The following CERS4 variants were observed in gnomAD, a reference collection of about 807,000 sequenced individuals.
The protein encoded by CERS4 is LAG1 homolog, ceramide synthase 4.
In CERS4, 65 loss-of-function variants were observed where a neutral mutation model predicts 51.8. The ratio of observed to expected loss-of-function variants is 1.26; its 90% CI spans 1.03 to 1.54. CERS4 has a LOEUF of 1.54. Ranked by LOEUF, CERS4 falls within the 40% of genes most tolerant of loss-of-function variation. CERS4 has a pLI of 0.00. For missense variants in CERS4, 563 were observed against 500.4 expected, an observed-to-expected ratio of 1.13 and a Z score of -1.19; for synonymous variants, 228 against 208.4, an observed-to-expected ratio of 1.09 and a Z score of -0.81.
chr19:8,238,140 G>T (rs564703556), intron 2 of CERS4, among the ~76,000 whole-genome samples: 3 of 151,708 alleles, frequency 2.0e-5, no homozygotes, highest in African/African-American at 7.3e-5. Context: ...CCTCCCTCAC[G>T]GACCTCCCCA....
intron 10 of CERS4, 24 bp from the exon 11 acceptor site, chr19:8,261,664 C>G (rs780475833): frequency 1.4e-5 from 22 of 1,613,254 alleles, no homozygotes; most frequent in Non-Finnish European, 1.7e-5. Flanking sequence ...AAACCCCAGC[C>G]TCCTCCTCTC....
intron 10 of CERS4, chr19:8,261,375 G>C: frequency 2.8e-6 from 1 of 358,942 alleles, no homozygotes. Context: ...AGGTGATGGG[G>C]GTCTGAGGAG....
intron 2 of CERS4, among the ~76,000 whole-genome samples, chr19:8,216,485 C>T (rs894633141): frequency 1.3e-5 from 2 of 151,396 alleles, no homozygotes; most frequent in Non-Finnish European, 2.9e-5. Context: ...AACAAATTAT[C>T]AAAATGCAGG....
rs1290814268 is a variant in CERS4 at position 8,210,407 on chromosome 19, G to A, written c.-158-299G>A. 1.3e-5 allele frequency among the ~76,000 whole-genome samples: 2 copies of A among 152,088 alleles called. No homozygotes were observed. The highest frequency in any genetic ancestry group is 2.9e-5 in the Non-Finnish European group (2 of 68,034). On this transcript the variant is annotated intron_variant, in intron 1 of 11. Coordinates refer to ENST00000251363, the MANE Select transcript of CERS4 (RefSeq NM_024552.3). This position sits in a 1 kb window ranked among gnomAD's most constrained non-coding sequence, Gnocchi z 4.2. ...ACCGATGTTTCTCCTGGGTAGTTAG[G>A]AGTATATAGAAGAGGCTTTCATTGC...
At position 8,215,298 on chromosome 19, in the gene CERS4, G is replaced by A. The variant is rs544862574; in HGVS notation, c.-2+4436G>A. ...GTTCGAGACCAGCGTGGCCAACATGGCGAAACCCTGTCTCTACTAAAAATA... is the reference window on the plus strand; with the variant it reads ...GTTCGAGACCAGCGTGGCCAACATGACGAAACCCTGTCTCTACTAAAAATA... On this transcript the variant is annotated intron_variant, in intron 2 of 11. Coordinates refer to ENST00000251363, the MANE Select transcript of CERS4 (RefSeq NM_024552.3). Among the ~76,000 whole-genome samples, 65 of 152,162 alleles carry A rather than the reference G, an allele frequency of 4.3e-4. 1 individual carries two copies. In the South Asian group the frequency reaches 0.013, roughly 31 times the overall value.
intron 2 of CERS4, among the ~76,000 whole-genome samples, chr19:8,227,261 A>G (rs751193188): frequency 2.6e-5 from 4 of 152,086 alleles, no homozygotes; most frequent in Non-Finnish European, 5.9e-5. Flanking sequence ...TTTCATTTTC[A>G]TGTACTATAA....
At position 8,235,007 on chromosome 19, in the gene CERS4, C is replaced by CTTTTTTTTTTT. The variant is rs566104740; in HGVS notation, c.-1-16066_-1-16065insTTTTTTTTTTT. Among the ~76,000 whole-genome samples the CTTTTTTTTTTT allele has an allele frequency of 2.5e-4, 32 of 127,916 alleles. 1 individual carries two copies. Among genetic ancestry groups the CTTTTTTTTTTT allele is most frequent in the Non-Finnish European group, 4.0e-4 (25 of 62,584 alleles). 83.9% of individuals were successfully genotyped at this position (127,916 alleles called of 152,430 possible). ...TGTATCTTTCTCTTTTTCTTTCTTT[C>CTTTTTTTTTTT]TTTCTTTTTTTTTTTTTTCAGACAG... On this transcript the variant is annotated intron_variant, in intron 2 of 11. Transcript: ENST00000251363.
intron 2 of CERS4, among the ~76,000 whole-genome samples, chr19:8,212,998 A>G (rs1206887914): frequency 6.6e-6 from 1 of 151,488 alleles, no homozygotes; most frequent in African/African-American, 2.4e-5. Context: ...TCTGTTCCCC[A>G]TGCCTTTCAG....
At chr19:8,238,661 T>C (rs1286502321) in intron 2 of CERS4, 1 of 902,538 alleles carries the variant, frequency 1.1e-6, no homozygotes, top group East Asian at 1.2e-4. Flanking sequence ...GTATTGGTTG[T>C]AGGTTTTGAG....
At chr19:8,220,864 C>T (rs1196098871) in intron 2 of CERS4, among the ~76,000 whole-genome samples, 2 of 151,820 alleles carry the variant, frequency 1.3e-5, no homozygotes, top group African/African-American at 4.8e-5. Context: ...CTCTGTCACC[C>T]GGGCTGGAGT....
chr19:8,228,010 C>T (rs984025453), intron 2 of CERS4, among the ~76,000 whole-genome samples: 17 of 151,634 alleles, frequency 1.1e-4, no homozygotes, highest in South Asian at 2.1e-4. Context: ...TACAGGCGCC[C>T]GCCACCACGC....
At chr19:8,241,031 A>C (rs936457638) in intron 2 of CERS4, among the ~76,000 whole-genome samples, 1 of 152,136 alleles carries the variant, frequency 6.6e-6, no homozygotes, top group Admixed American at 6.6e-5. Flanking sequence ...AGGGGAGAAG[A>C]GGCTGGTCAC....
intron 2 of CERS4, among the ~76,000 whole-genome samples, chr19:8,235,235 C>T (rs758879332): frequency 1.3e-5 from 2 of 151,404 alleles, no homozygotes; most frequent in Non-Finnish European, 2.9e-5. Context: ...TCTTGATCTC[C>T]TGACCTCGTG....
At chr19:8,211,508 A>G (rs1024473258) in intron 2 of CERS4, among the ~76,000 whole-genome samples, 3 of 152,210 alleles carry the variant, frequency 2.0e-5, no homozygotes, top group African/African-American at 7.2e-5. Flanking sequence ...ATAGGTAAAG[A>G]GCTGAACACA....
intron 3 of CERS4, 45 bp from the exon 4 acceptor site, chr19:8,254,454 C>T: frequency 1.9e-6 from 3 of 1,582,908 alleles, no homozygotes; most frequent in South Asian, 2.2e-5. Flanking sequence ...CAGGCAGTCC[C>T]ATCTCTTCAC....
At chr19:8,256,324 G>C (rs374797820) in intron 7 of CERS4, 38 bp downstream of exon 7, 6 of 1,608,850 alleles carry the variant, frequency 3.7e-6, no homozygotes, top group Non-Finnish European at 5.1e-6. Context: ...TGGAGGGTGA[G>C]GGCGATGATC....
At chr19:8,234,846 G>A (rs985048891) in intron 2 of CERS4, among the ~76,000 whole-genome samples, 2 of 151,138 alleles carry the variant, frequency 1.3e-5, no homozygotes, top group Non-Finnish European at 3.0e-5. Context: ...GAGCCACCAC[G>A]CCCGGCCCCA....
At chr19:8,231,851 ATTTTTT>A (rs3042169) in intron 2 of CERS4, among the ~76,000 whole-genome samples, 4 of 104,406 alleles carry the variant, frequency 3.8e-5, no homozygotes, top group East Asian at 5.1e-4. Context: ...TGTGCCCAGC[ATTTTTT>A]TTTTTTTTTT....
intron 3 of CERS4, among the ~76,000 whole-genome samples, chr19:8,251,498 T>C (rs1030372252): frequency 1.3e-5 from 2 of 152,156 alleles, no homozygotes; most frequent in Non-Finnish European, 1.5e-5. Context: ...TGCAGCTGGG[T>C]ATGCCAGCAT....
Sources: allele counts gnomAD v4.1 joint callset (sites outside exome capture counted in the v4.1 genomes callset), GRCh38; gene constraint gnomAD v4.1.1; non-coding constraint Gnocchi (gnomAD v3.1); transcripts MANE v1.5; gene names NCBI Gene and HGNC (gene_info 2026-07-23, HGNC 2026-07-21).